Variants in DST observed in about 807,000 individuals in gnomAD.
DST encodes the protein bullous pemphigoid antigen.
DST carries 253 observed loss-of-function variants against 875.2 expected under a neutral mutation model. The ratio of observed to expected loss-of-function variants is 0.29; its 90% CI spans 0.26 to 0.32. DST has a LOEUF of 0.32. DST is among the 10% of genes least tolerant of loss of function. The probability of loss-of-function intolerance (pLI) is 1.00; values close to 1 mark genes in which losing one functional copy is unlikely to be tolerated. For missense variants in DST, 8,287 were observed against 9,111.6 expected (o/e 0.91, Z 3.68); for synonymous variants, 3,124 against 3,197.1 (o/e 0.98, Z 0.77).
intron 2 of DST, among the ~76,000 whole-genome samples, chr6:56,921,971 C>A (rs1430740524): frequency 6.6e-6 from 1 of 152,132 alleles, no homozygotes; most frequent in African/African-American, 2.4e-5. Context: ...ACACACAGCA[C>A]TGAATTATTA....
At chr6:56,574,100 T>A (rs1202713262) in intron 50 of DST, among the ~76,000 whole-genome samples, 1 of 152,156 alleles carries the variant, frequency 6.6e-6, no homozygotes, top group Non-Finnish European at 1.5e-5. Flanking sequence ...AATTGAAATC[T>A]TTTTTTAAAA....
At chr6:56,799,745 C>G (rs901398142) in intron 4 of DST, among the ~76,000 whole-genome samples, 1 of 151,980 alleles carries the variant, frequency 6.6e-6, no homozygotes, top group Non-Finnish European at 1.5e-5. Context: ...CCTCGGCCTT[C>G]CAAGTAGCGG....
Position 56,949,206 on chromosome 6 carries a change from T to C in DST, c.216+4579A>G, listed in dbSNP as rs182795050. On this transcript the variant is annotated intron_variant, in intron 2 of 103. Coordinates refer to ENST00000680361, the MANE Select transcript of DST (RefSeq NM_001374736.1). ...TTGTTTCAATTCTAATCTAGATGAA[T>C]TTAATTGGCTTGGATGCATGAAAAA... Among the ~76,000 whole-genome samples, 7 of 152,372 alleles carry C rather than the reference T, an allele frequency of 4.6e-5. No individual in the cohort carries two copies. The East Asian group carries it at 1.3e-3, about 29-fold the overall frequency.
intron 67 of DST, 71 bp from the exon 68 acceptor site, chr6:56,527,805 ATGG>A: frequency 1.4e-6 from 2 of 1,441,452 alleles, no homozygotes; most frequent in Non-Finnish European, 1.8e-6. Flanking sequence ...TTCAGATATT[ATGG>A]AACACTGATG....
At position 56,492,413 on chromosome 6, in the gene DST, A is replaced by G. The variant is rs777107821; in HGVS notation, c.20571T>C (p.Asn6857=). 4 of 1,612,188 alleles carry G rather than the reference A, an allele frequency of 2.5e-6. No individual in the cohort carries two copies. Among genetic ancestry groups the G allele is most frequent in the Non-Finnish European group, 2.5e-6 (3 of 1,179,512 alleles). The change falls in exon 85 of 104, where the codon AAT becomes AAC. Residue 6857 remains asparagine, a synonymous_variant. Coordinates refer to ENST00000680361, the MANE Select transcript of DST (RefSeq NM_001374736.1). ...GCTCTATTATCTGCTCACGATGAGA[A>G]TTTACTTCATTGGCAAAAACCTTTC... ...DEHKVFANEV[N]SHREQIIELD... is the part of the protein sequence containing the mutation.
rs1431536180 is a variant in DST at position 56,614,405 on chromosome 6, G to A, written c.5009C>T (p.Thr1670Ile). 1 of 1,610,150 alleles carries A rather than the reference G, an allele frequency of 6.2e-7. No homozygotes were observed. The highest frequency in any genetic ancestry group is 2.2e-5 in the East Asian group (1 of 44,662). ...LQKWVSNISKTLKDAEKAGKP... is the reference protein window; with the variant it reads ...LQKWVSNISKILKDAEKAGKP... ...TCCAGCCTTCTCTGCATCTTTCAATGTCTTGCTGATATTTGATACCCATTT... is the reference window on the plus strand; with the variant it reads ...TCCAGCCTTCTCTGCATCTTTCAATATCTTGCTGATATTTGATACCCATTT... The change falls in exon 37 of 104, where the codon ACA (threonine) becomes ATA (isoleucine). Residue 1670 changes from threonine (T) to isoleucine (I), a missense_variant. By Grantham distance (89) the Thr-to-Ile change is moderately conservative (BLOSUM62 -1). Around this residue, in one of 10 missense-constraint regions of DST, gnomAD observed 3,138 missense variants for 3,116.6 expected, o/e 1.01. Coordinates refer to ENST00000680361, the MANE Select transcript of DST (RefSeq NM_001374736.1).
intron 64 of DST, 21 bp from the exon 65 acceptor site, chr6:56,530,154 C>A: frequency 2.0e-6 from 3 of 1,537,668 alleles, no homozygotes; most frequent in South Asian, 2.7e-5. Flanking sequence ...GCCAAAAGGT[C>A]ATTTAGGGAT....
intron 4 of DST, among the ~76,000 whole-genome samples, chr6:56,761,561 A>C (rs1326448199): frequency 6.6e-6 from 1 of 152,220 alleles, no homozygotes; most frequent in Non-Finnish European, 1.5e-5. Flanking sequence ...ACACAAGTTA[A>C]ACAGCATAGT....
chr6:56,485,570 G>A, intron 87 of DST, 99 bp from the exon 88 acceptor site: 4 of 1,159,426 alleles, frequency 3.4e-6, no homozygotes, highest in Non-Finnish European at 4.9e-6. Flanking sequence ...TGGTACTCAA[G>A]GGGAAGAGCA....
At chr6:56,727,740 G>C (rs2152921431) in intron 5 of DST, among the ~76,000 whole-genome samples, 1 of 152,294 alleles carries the variant, frequency 6.6e-6, no homozygotes, top group African/African-American at 2.4e-5. Flanking sequence ...CAGCAAAGAG[G>C]CCATGTGCCC....
In DST at chr6:56,458,350, A is replaced by C. The variant is rs1221896267; in HGVS notation, c.*655T>G. ...GTCCACTCAAGCAAAAGAAAACCTC[A>C]CATGTATATGAACGCACTTTATACT... On this transcript the variant is annotated 3_prime_UTR_variant, in exon 104 of 104. Transcript: ENST00000680361. The C allele has an allele frequency of 6.6e-6, 1 of 152,560 alleles. No individual in the cohort carries two copies. The highest frequency in any genetic ancestry group is 2.4e-5 in the African/African-American group (1 of 41,464). The allele number at this position is 152,560 out of a possible 1,614,324, so 9.5% of individuals were successfully genotyped here.
At chr6:56,921,147 C>T (rs979269974) in intron 2 of DST, among the ~76,000 whole-genome samples, 22 of 151,878 alleles carry the variant, frequency 1.4e-4, no homozygotes, top group Non-Finnish European at 1.6e-4. Flanking sequence ...ACAGAAAGAG[C>T]GTTTCAAAAA....
At chr6:56,647,206 G>A (rs2098948085) in intron 13 of DST, among the ~76,000 whole-genome samples, 2 of 152,220 alleles carry the variant, frequency 1.3e-5, no homozygotes, top group South Asian at 2.1e-4. Context: ...GTTTCAGGAC[G>A]TCTGTTGGTC....
At chr6:56,707,215 A>G (rs1261992186) in intron 5 of DST, among the ~76,000 whole-genome samples, 1 of 152,144 alleles carries the variant, frequency 6.6e-6, no homozygotes. Context: ...GCACTGTAAG[A>G]ATTCACCCAG....
At chr6:56,762,269 G>A (rs113150409) in intron 4 of DST, among the ~76,000 whole-genome samples, 2,085 of 152,202 alleles carry the variant, frequency 0.014, 49 homozygotes, top group African/African-American at 0.047. Context: ...TGATCCACCC[G>A]CCTTGGCCTC....
chr6:56,514,576 TATACAC>T (rs1554275833), intron 72 of DST, among the ~76,000 whole-genome samples: 6 of 107,240 alleles, frequency 5.6e-5, no homozygotes, highest in Non-Finnish European at 9.8e-5. Context: ...GGCACAGGCG[TATACAC>T]ACACACACAC....
At chr6:56,566,830 T>C (rs1196329038) in intron 55 of DST, among the ~76,000 whole-genome samples, 3 of 152,160 alleles carry the variant, frequency 2.0e-5, no homozygotes, top group East Asian at 1.9e-4. Flanking sequence ...ATGGGCTTAA[T>C]GGAGGCAGAA....
intron 82 of DST, among the ~76,000 whole-genome samples, chr6:56,495,999 A>G (rs1437081860): frequency 6.6e-6 from 1 of 152,166 alleles, no homozygotes; most frequent in Admixed American, 6.5e-5. Context: ...TCTATTAAAG[A>G]GTGTAGATAT....
intron 2 of DST, among the ~76,000 whole-genome samples, chr6:56,940,954 G>C (rs1446066089): frequency 6.6e-6 from 1 of 152,114 alleles, no homozygotes; most frequent in African/African-American, 2.4e-5. Context: ...TCATACCAGT[G>C]ATTTGATCAG....
Sources: gnomAD v4.1 joint callset for allele counts (sites outside exome capture counted in the v4.1 genomes callset) on GRCh38, gnomAD v4.1.1 for gene constraint, gnomAD v4.1.1 regional missense constraint, MANE v1.5 for transcripts, NCBI Gene and HGNC (gene_info 2026-07-23, HGNC 2026-07-21) for gene names.